The following PREX2 variants were observed in gnomAD, a reference collection of about 807,000 sequenced individuals.
PREX2 encodes phosphatidylinositol-3,4,5-trisphosphate dependent Rac exchange factor 2.
Under a neutral mutation model 203.2 loss-of-function variants are expected in PREX2, and 107 were observed. The observed-to-expected ratio is 0.53, with a 90% CI of 0.45 to 0.62. PREX2 has a LOEUF of 0.62. PREX2 is among the 20% of genes least tolerant of loss of function. PREX2 has a pLI of 0.00. For synonymous variants in PREX2, 672 were observed against 663.6 expected (o/e 1.01, Z -0.19); for missense variants, 1,777 against 1,955.9 (o/e 0.91, Z 1.72).
chr8:68,215,092 T>C (rs1026906476), intron 37 of PREX2, among the ~76,000 whole-genome samples: 1 of 152,204 alleles, frequency 6.6e-6, no homozygotes, highest in African/African-American at 2.4e-5. Flanking sequence ...TCAGAGAGCA[T>C]GTTCCTGGGC....
intron 14 of PREX2, among the ~76,000 whole-genome samples, chr8:68,075,117 C>G (rs1485409030): frequency 6.6e-6 from 1 of 152,170 alleles, no homozygotes; most frequent in Non-Finnish European, 1.5e-5. Context: ...CTTGCTTCTT[C>G]ACATCCATGC....
intron 11 of PREX2, among the ~76,000 whole-genome samples, chr8:68,063,038 G>C (rs113467139): frequency 0.011 from 1,632 of 152,222 alleles, 14 homozygotes; most frequent in Non-Finnish European, 0.016. Context: ...TGTTTCATTA[G>C]CATCATTAAA....
chr8:68,152,112 A>G (rs1352405068), intron 34 of PREX2, among the ~76,000 whole-genome samples: 1 of 151,442 alleles, frequency 6.6e-6, no homozygotes, highest in Non-Finnish European at 1.5e-5. Flanking sequence ...ACACGATGAA[A>G]CCCCGTCTCT....
intron 1 of PREX2, among the ~76,000 whole-genome samples, chr8:67,953,196 T>A (rs1805405650): frequency 1.4e-5 from 1 of 72,218 alleles, no homozygotes; most frequent in South Asian, 6.7e-4. Flanking sequence ...CGCCCCGGCT[T>A]AAATCTGTCT....
intron 8 of PREX2, among the ~76,000 whole-genome samples, chr8:68,051,969 C>T (rs1189624992): frequency 6.6e-6 from 1 of 152,032 alleles, no homozygotes; most frequent in East Asian, 1.9e-4. Flanking sequence ...ATTAGTCTGA[C>T]CTCATATAAT....
intron 31 of PREX2, among the ~76,000 whole-genome samples, 194 bp downstream of exon 31, chr8:68,127,613 C>CATAT (rs950782209): frequency 2.0e-4 from 29 of 147,642 alleles, no homozygotes; most frequent in African/African-American, 7.1e-4. Context: ...TATATATATA[C>CATAT]ATATATATAT....
chr8:68,209,688 T>C (rs1812707834), intron 37 of PREX2, among the ~76,000 whole-genome samples: 1 of 152,250 alleles, frequency 6.6e-6, no homozygotes, highest in South Asian at 2.1e-4. Flanking sequence ...CAATTCTACA[T>C]TGGGGAAAAA....
rs780962172 is a variant in PREX2 at position 68,027,293 on chromosome 8, A to G, written c.513A>G (p.Gln171=). ...PLEGYLVTPI[Q]RICKYPLILK... ...AAGGATATTTAGTAACACCAATACA[A>G]AGAATATGCAAGTACCCTCTTATTT... Residue 171 remains glutamine (Q), a synonymous_variant, in exon 5 of 40, where the codon CAA becomes CAG. Transcript: ENST00000288368. 1 of 1,607,124 alleles carries G rather than the reference A, an allele frequency of 6.2e-7. No homozygotes were observed. The highest frequency in any genetic ancestry group is 1.7e-5 in the Admixed American group (1 of 59,912).
chr8:67,964,619 G>T (rs1805717216), intron 1 of PREX2, among the ~76,000 whole-genome samples: 1 of 151,954 alleles, frequency 6.6e-6, no homozygotes, highest in Admixed American at 6.6e-5. Flanking sequence ...AGCTCTCAAG[G>T]TTGTTTTTGT....
intron 32 of PREX2, among the ~76,000 whole-genome samples, chr8:68,136,651 G>C (rs1242986747): frequency 6.6e-6 from 1 of 152,032 alleles, no homozygotes; most frequent in Non-Finnish European, 1.5e-5. Context: ...ACATTTTTTT[G>C]CTGCTTCAAA....
chr8:67,992,465 T>C (rs1806637794), intron 1 of PREX2, among the ~76,000 whole-genome samples: 1 of 152,216 alleles, frequency 6.6e-6, no homozygotes, highest in East Asian at 1.9e-4. Flanking sequence ...TTTAAGAACT[T>C]AGAGAAATAG....
At chr8:68,221,086 C>T (rs935799177) in intron 38 of PREX2, among the ~76,000 whole-genome samples, 2 of 152,100 alleles carry the variant, frequency 1.3e-5, no homozygotes, top group Non-Finnish European at 2.9e-5. Context: ...CTCATTGTTT[C>T]GTCCCCACTT....
At chr8:68,032,645 CTG>C (rs1807917782) in intron 6 of PREX2, among the ~76,000 whole-genome samples, 1 of 152,164 alleles carries the variant, frequency 6.6e-6, no homozygotes, top group South Asian at 2.1e-4. Flanking sequence ...ATAGGACTCT[CTG>C]TAAGGACGCA....
chr8:68,087,691 G>C, intron 18 of PREX2, 33 bp from the exon 19 acceptor site: 1 of 1,478,468 alleles, frequency 6.8e-7, no homozygotes, highest in Non-Finnish European at 9.5e-7. Flanking sequence ...TGATTCTTAC[G>C]CTTCATCTTA....
At chr8:68,065,542 C>G (rs1394750518) in intron 11 of PREX2, among the ~76,000 whole-genome samples, 1 of 152,108 alleles carries the variant, frequency 6.6e-6, no homozygotes, top group African/African-American at 2.4e-5. Flanking sequence ...AGAGCTGAAA[C>G]TTCACATATG....
At chr8:67,966,796 A>G (rs946005796) in intron 1 of PREX2, among the ~76,000 whole-genome samples, 4 of 152,222 alleles carry the variant, frequency 2.6e-5, no homozygotes, top group African/African-American at 4.8e-5. Flanking sequence ...TTCAAAATCC[A>G]GATATTTTTA....
At position 68,146,319 on chromosome 8, in the gene PREX2, G is replaced by A; in HGVS notation, c.4198G>A (p.Gly1400Arg). 1 of 1,612,874 alleles carries A rather than the reference G, an allele frequency of 6.2e-7. No individual in the cohort carries two copies. Among genetic ancestry groups the A allele is most frequent in the African/African-American group, 1.3e-5 (1 of 74,966 alleles). The change falls in exon 34 of 40, where the codon GGG (glycine) becomes AGG (arginine). Residue 1400 changes from glycine to arginine, a missense_variant. By Grantham distance (125) the Gly-to-Arg change is moderately radical. Coordinates refer to ENST00000288368, the MANE Select transcript of PREX2 (RefSeq NM_024870.4). ...QLPQRLKNGG[G>R]FKIHPVLFAQ... ...TCCTCAACGGCTGAAAAATGGAGGAGGGTTTAAAATTCATCCTGTTCTTTT... is the reference window on the plus strand; with the variant it reads ...TCCTCAACGGCTGAAAAATGGAGGAAGGTTTAAAATTCATCCTGTTCTTTT...
In PREX2 at chr8:68,236,562, T is replaced by G. The variant is rs1390929830; in HGVS notation, c.*5184T>G. ...AAGAACACTAAATTGGTAAGACGCT[T>G]TAGAAAATATGCATTTGAATTTGAA... On this transcript the variant is annotated 3_prime_UTR_variant, in exon 40 of 40. Coordinates refer to ENST00000288368, the MANE Select transcript of PREX2 (RefSeq NM_024870.4). 1.3e-5 allele frequency: 2 copies of G among 152,190 alleles called. No individual in the cohort carries two copies. Among genetic ancestry groups the G allele is most frequent in the Non-Finnish European group, 2.9e-5 (2 of 68,020 alleles). The allele number at this position is 152,190 out of a possible 1,614,324, so 9.4% of individuals were successfully genotyped here.
chr8:68,232,289 A>G lies in PREX2; in HGVS notation c.*911A>G, dbSNP rs1490131886. On this transcript the variant is annotated 3_prime_UTR_variant, in exon 40 of 40. Transcript: ENST00000288368. ...TCTCATATGAGAGGTCAGACTCTTC[A>G]AAGAATACACCATCATGAGAATTTT... 1.3e-5 allele frequency: 2 copies of G among 152,192 alleles called. No individual in the cohort carries two copies. The highest frequency in any genetic ancestry group is 2.9e-5 in the Non-Finnish European group (2 of 68,022). 9.4% of individuals were successfully genotyped at this position (152,192 alleles called of 1,614,324 possible).
Sources: gnomAD v4.1 joint callset for allele counts (sites outside exome capture counted in the v4.1 genomes callset) on GRCh38, gnomAD v4.1.1 for gene constraint, MANE v1.5 for transcripts, NCBI Gene and HGNC (gene_info 2026-07-23, HGNC 2026-07-21) for gene names.